Variants in CFAP20DC observed in about 807,000 individuals in gnomAD.
The protein encoded by CFAP20DC is protein CFAP20DC.
In CFAP20DC, 84 loss-of-function variants were observed where a neutral mutation model predicts 101.7. The ratio of observed to expected loss-of-function variants is 0.83; its 90% CI spans 0.69 to 0.99. The LOEUF (loss-of-function observed/expected upper bound fraction) is 0.99. Ranked by LOEUF, CFAP20DC falls within the 50% of genes least tolerant of loss-of-function variation. The pLI is 0.00. For missense variants in CFAP20DC, 1,007 were observed against 970.3 expected, an observed-to-expected ratio of 1.04 and a Z score of -0.50; for synonymous variants, 359 against 351.2, an observed-to-expected ratio of 1.02 and a Z score of -0.25.
chr3:59,042,655 AG>A (rs1699501577), intron 3 of CFAP20DC, among the ~76,000 whole-genome samples: 1 of 152,138 alleles, frequency 6.6e-6, no homozygotes, highest in Non-Finnish European at 1.5e-5. Flanking sequence ...GGACATTTTT[AG>A]TGGAGGAGTA....
At chr3:58,832,111 T>A (rs1048820502) in intron 13 of CFAP20DC, among the ~76,000 whole-genome samples, 4 of 146,034 alleles carry the variant, frequency 2.7e-5, no homozygotes, top group African/African-American at 1.1e-4. Flanking sequence ...CTCAAAAGCA[T>A]CAGTCCTCTC....
intron 7 of CFAP20DC, among the ~76,000 whole-genome samples, chr3:58,878,739 G>T (rs552263367): frequency 2.0e-5 from 3 of 151,810 alleles, no homozygotes; most frequent in Non-Finnish European, 4.4e-5. Context: ...GTGCTGGGCG[G>T]GGTGGCTCAC....
chr3:58,855,784 A>G (rs933330366), intron 12 of CFAP20DC, among the ~76,000 whole-genome samples: 4 of 141,754 alleles, frequency 2.8e-5, no homozygotes, highest in African/African-American at 7.9e-5. Flanking sequence ...GAAATGAACA[A>G]TGAGAACACA....
At chr3:58,918,757 C>A (rs367587596) in intron 5 of CFAP20DC, among the ~76,000 whole-genome samples, 2 of 152,080 alleles carry the variant, frequency 1.3e-5, no homozygotes, top group East Asian at 3.9e-4. Flanking sequence ...GATTTAGGTA[C>A]TAGCCTCACC....
At chr3:58,821,698 G>A (rs1449730054) in intron 14 of CFAP20DC, among the ~76,000 whole-genome samples, 2 of 151,588 alleles carry the variant, frequency 1.3e-5, no homozygotes, top group Non-Finnish European at 2.9e-5. Context: ...CTGTTGCTGG[G>A]ACTGTAAACT....
At chr3:58,823,329 C>T (rs1241191373) in intron 14 of CFAP20DC, among the ~76,000 whole-genome samples, 1 of 152,064 alleles carries the variant, frequency 6.6e-6, no homozygotes, top group East Asian at 1.9e-4. Context: ...CCTGTGAAAG[C>T]ACCAATGAAA....
intron 4 of CFAP20DC, among the ~76,000 whole-genome samples, chr3:59,026,904 T>C (rs562485679): frequency 6.6e-6 from 1 of 152,320 alleles, no homozygotes; most frequent in South Asian, 2.1e-4. Flanking sequence ...TGTCCAATTT[T>C]CCATATTATA....
At chr3:58,764,337 G>A (rs961661072) in intron 15 of CFAP20DC, among the ~76,000 whole-genome samples, 2 of 152,188 alleles carry the variant, frequency 1.3e-5, no homozygotes, top group Non-Finnish European at 2.9e-5. Context: ...CTCCGAGCCA[G>A]GCGTGGGATA....
intron 4 of CFAP20DC, among the ~76,000 whole-genome samples, chr3:59,010,160 GTCTT>G (rs1378295331): frequency 6.6e-6 from 1 of 151,930 alleles, no homozygotes; most frequent in Non-Finnish European, 1.5e-5. Context: ...AAAAAACAAG[GTCTT>G]TAGGCAACAG....
intron 4 of CFAP20DC, 22 bp from the exon 5 acceptor site, chr3:58,937,784 G>A (rs1453895018): frequency 7.7e-7 from 1 of 1,303,464 alleles, no homozygotes; most frequent in African/African-American, 1.5e-5. Flanking sequence ...GAGGAGAGAA[G>A]ACAGAAAGAT....
intron 4 of CFAP20DC, among the ~76,000 whole-genome samples, chr3:58,979,800 T>C (rs1182473626): frequency 1.3e-5 from 2 of 151,686 alleles, no homozygotes; most frequent in Admixed American, 6.6e-5. Context: ...TTTAATGTTT[T>C]GTCCTTGTTT....
intron 4 of CFAP20DC, among the ~76,000 whole-genome samples, chr3:58,969,135 A>G (rs2091786698): frequency 6.6e-6 from 1 of 152,192 alleles, no homozygotes. Flanking sequence ...GATGTCAGGT[A>G]ACATGATGCC....
intron 13 of CFAP20DC, among the ~76,000 whole-genome samples, chr3:58,839,423 C>G (rs1334787294): frequency 6.6e-6 from 1 of 152,096 alleles, no homozygotes; most frequent in African/African-American, 2.4e-5. Flanking sequence ...TAAGGAGCAC[C>G]TTGTGGAAGG....
intron 16 of CFAP20DC, among the ~76,000 whole-genome samples, chr3:58,743,217 C>G (rs114557494): frequency 8.1e-4 from 122 of 149,810 alleles, no homozygotes; most frequent in Middle Eastern, 3.4e-3. Context: ...ACAGAGAGGA[C>G]AACTGTCTAA....
At chr3:58,839,152 C>CT (rs1414812312) in intron 13 of CFAP20DC, among the ~76,000 whole-genome samples, 4 of 152,168 alleles carry the variant, frequency 2.6e-5, no homozygotes, top group African/African-American at 9.7e-5. Context: ...TTTGTGTGTG[C>CT]TTTTGCACAT....
At chr3:58,772,216 T>C (rs1407335975) in intron 15 of CFAP20DC, among the ~76,000 whole-genome samples, 2 of 152,196 alleles carry the variant, frequency 1.3e-5, no homozygotes, top group African/African-American at 4.8e-5. Context: ...ATGTGTCTCA[T>C]AGTTATTGAG....
At position 58,849,169 on chromosome 3, in the gene CFAP20DC, A is replaced by G; in HGVS notation, c.1834T>C (p.Cys612Arg). The change falls in exon 13 of 17, where the codon TGT (cysteine) becomes CGT (arginine). Residue 612 changes from cysteine (C) to arginine (R), a missense_variant. Coordinates refer to ENST00000482387, the MANE Select transcript of CFAP20DC (RefSeq NM_001394063.1). ...TTCLSPTGRR[C>R]GSCQKTPEPV... Reference sequence around the variant, plus strand: ...TCTGGAGTTTTCTGACAGGACCCACACCTTCTTCCAGTTGGAGAAAGGCAT... The same window carrying G: ...TCTGGAGTTTTCTGACAGGACCCACGCCTTCTTCCAGTTGGAGAAAGGCAT... 1.3e-6 allele frequency: 2 copies of G among 1,536,076 alleles called. No homozygotes were observed. The highest frequency in any genetic ancestry group is 1.7e-6 in the Non-Finnish European group (2 of 1,146,910).
intron 3 of CFAP20DC, among the ~76,000 whole-genome samples, chr3:58,734,014 C>G (rs1167228004): frequency 2.0e-5 from 3 of 152,138 alleles, no homozygotes; most frequent in Non-Finnish European, 4.4e-5. Flanking sequence ...GGGGGAGGAA[C>G]CTGGTGGGAG....
Position 58,964,039 on chromosome 3 carries a change from T to C in CFAP20DC, c.279-26277A>G, listed in dbSNP as rs1476868725. 6.6e-6 allele frequency among the ~76,000 whole-genome samples: 1 copy of C among 152,242 alleles called. No individual in the cohort carries two copies. Among genetic ancestry groups the C allele is most frequent in the Non-Finnish European group, 1.5e-5 (1 of 68,032 alleles). ...GTTATGCACTATTACACTTAAAGAA[T>C]GAACTCTGTTCTAGCTGTCACAAGG... is the stretch of plus-strand genomic sequence containing the variant. On this transcript the variant is annotated intron_variant, in intron 4 of 16. Coordinates refer to ENST00000482387, the MANE Select transcript of CFAP20DC (RefSeq NM_001394063.1). This position sits in a 1 kb window ranked among gnomAD's most constrained non-coding sequence, Gnocchi z 4.1.
Sources: allele counts gnomAD v4.1 joint callset (sites outside exome capture counted in the v4.1 genomes callset), GRCh38; gene constraint gnomAD v4.1.1; non-coding constraint Gnocchi (gnomAD v3.1); transcripts MANE v1.5; gene names NCBI Gene and HGNC (gene_info 2026-07-23, HGNC 2026-07-21).